The following GABRB1 variants were observed in gnomAD, a reference collection of about 807,000 sequenced individuals.
GABRB1 encodes gamma-aminobutyric acid receptor subunit beta-1.
Under a neutral mutation model 51.6 loss-of-function variants are expected in GABRB1, and 17 were observed. The ratio of observed to expected loss-of-function variants is 0.33; its 90% CI spans 0.23 to 0.49. GABRB1 has a LOEUF of 0.49. Ranked by LOEUF, GABRB1 falls within the 20% of genes least tolerant of loss-of-function variation. The pLI, the probability that GABRB1 is intolerant of heterozygous loss-of-function variation, is 0.99. For missense variants in GABRB1, 410 were observed against 600.6 expected (o/e 0.68, Z 3.32); for synonymous variants, 247 against 218.9 (o/e 1.13, Z -1.14).
At chr4:47,317,233 T>C (rs1387034733) in intron 4 of GABRB1, among the ~76,000 whole-genome samples, 2 of 151,992 alleles carry the variant, frequency 1.3e-5, no homozygotes, top group Non-Finnish European at 2.9e-5. Context: ...ATGTCCCCAG[T>C]GAGGCAAAAT....
intron 1 of GABRB1, among the ~76,000 whole-genome samples, chr4:47,002,464 A>G (rs911712941): frequency 2.0e-5 from 3 of 152,208 alleles, no homozygotes; most frequent in Non-Finnish European, 2.9e-5. Flanking sequence ...CACAAATTAA[A>G]CCTAAAGAAT....
chr4:47,009,499 A>C (rs1724527375), intron 1 of GABRB1, among the ~76,000 whole-genome samples: 1 of 152,204 alleles, frequency 6.6e-6, no homozygotes. Context: ...TTACATTAAG[A>C]ACAACATCAA....
intron 1 of GABRB1, among the ~76,000 whole-genome samples, chr4:47,014,259 G>A (rs1724671166): frequency 6.6e-6 from 1 of 152,072 alleles, no homozygotes; most frequent in African/African-American, 2.4e-5. Flanking sequence ...GATAGATTTT[G>A]AGAGCTACTA....
intron 4 of GABRB1, among the ~76,000 whole-genome samples, chr4:47,217,018 G>C (rs182126030): frequency 1.3e-5 from 2 of 151,920 alleles, no homozygotes; most frequent in East Asian, 1.9e-4. Flanking sequence ...CTATACTACT[G>C]ATTAAATAAG....
chr4:47,177,955 G>A (rs1348221), intron 4 of GABRB1, among the ~76,000 whole-genome samples: 17 of 151,878 alleles, frequency 1.1e-4, no homozygotes, highest in Admixed American at 5.9e-4. Flanking sequence ...TTTGGGTTCC[G>A]AGTGTGAGGC....
chr4:47,394,226 A>G (rs2110041939), intron 5 of GABRB1, among the ~76,000 whole-genome samples: 1 of 152,318 alleles, frequency 6.6e-6, no homozygotes, highest in Admixed American at 6.5e-5. Flanking sequence ...AGGATCACAA[A>G]CTAATGACAG....
chr4:47,000,182 T>C (rs972928997), intron 1 of GABRB1, among the ~76,000 whole-genome samples: 5 of 152,198 alleles, frequency 3.3e-5, no homozygotes, highest in African/African-American at 9.6e-5. Flanking sequence ...ATATAAAATT[T>C]AAAACTTAAA....
chr4:47,377,128 T>A (rs1438998095), intron 5 of GABRB1, among the ~76,000 whole-genome samples: 1 of 152,144 alleles, frequency 6.6e-6, no homozygotes, highest in African/African-American at 2.4e-5. Context: ...GCAGTGAATG[T>A]GTTTGGAGTT....
intron 8 of GABRB1, among the ~76,000 whole-genome samples, chr4:47,424,386 C>CA (rs149335431): frequency 0.012 from 1,831 of 152,314 alleles, 35 homozygotes; most frequent in African/African-American, 0.042. Context: ...CTGTATTAAA[C>CA]AGTAATATAA....
chr4:47,217,551 ACAC>A (rs970933099), intron 4 of GABRB1, among the ~76,000 whole-genome samples: 18 of 151,782 alleles, frequency 1.2e-4, no homozygotes, highest in African/African-American at 4.3e-4. Context: ...CAACTCATGA[ACAC>A]CACAAATTCC....
intron 3 of GABRB1, among the ~76,000 whole-genome samples, chr4:47,147,923 C>G (rs770018580): frequency 1.3e-4 from 20 of 151,978 alleles, no homozygotes; most frequent in Admixed American, 6.6e-4. Flanking sequence ...TATTTTTATT[C>G]TCATAACATT....
At chr4:47,237,595 A>C (rs1560291318) in intron 4 of GABRB1, among the ~76,000 whole-genome samples, 1 of 152,056 alleles carries the variant, frequency 6.6e-6, no homozygotes, top group African/African-American at 2.4e-5. Context: ...ATTGCAAAAA[A>C]ATACCAATTC....
At chr4:47,365,419 G>A (rs1309049655) in intron 5 of GABRB1, among the ~76,000 whole-genome samples, 1 of 152,008 alleles carries the variant, frequency 6.6e-6, no homozygotes, top group Non-Finnish European at 1.5e-5. Flanking sequence ...CCCTTTTTCA[G>A]GATAATTTTC....
chr4:47,159,507 T>C (rs1159731841), intron 3 of GABRB1, among the ~76,000 whole-genome samples: 11 of 43,542 alleles, frequency 2.5e-4, no homozygotes, highest in Admixed American at 2.3e-3. Flanking sequence ...AGCCTGAGGG[T>C]TATTTTTTTT....
chr4:47,426,176 T>G lies in GABRB1; in HGVS notation c.*158T>G, dbSNP rs1453650700. 4 of 539,692 alleles carry G rather than the reference T, an allele frequency of 7.4e-6. No homozygotes were observed. Among genetic ancestry groups the G allele is most frequent in the Non-Finnish European group, 9.4e-6 (3 of 320,716 alleles). 33.4% of individuals were successfully genotyped at this position (539,692 alleles called of 1,614,324 possible). A position where few individuals can be genotyped will look rare whatever the true frequency, so the allele number is the denominator to read the frequency against. ...ATCAGTTTTATTACTGCACCATGTT[T>G]ACTTCAAAAAGACAAAACAAAAAAA... On this transcript the variant is annotated 3_prime_UTR_variant, in exon 9 of 9. Coordinates refer to ENST00000295454, the MANE Select transcript of GABRB1 (RefSeq NM_000812.4).
intron 3 of GABRB1, among the ~76,000 whole-genome samples, chr4:47,104,116 A>G (rs1372545934): frequency 1.3e-5 from 2 of 151,794 alleles, no homozygotes; most frequent in African/African-American, 4.8e-5. Flanking sequence ...TTAGGTTTCT[A>G]TGAAGAAAAA....
chr4:47,098,151 A>AAC (rs59294163), intron 3 of GABRB1, among the ~76,000 whole-genome samples: 3,284 of 148,276 alleles, frequency 0.022, 59 homozygotes, highest in African/African-American at 0.044. Flanking sequence ...TTTTAGTACA[A>AAC]ACACACACAC....
chr4:47,023,703 TCA>T lies in GABRB1; in HGVS notation c.-19-8208_-19-8207del, dbSNP rs377299579. ...TTCATATAATTATAAATGTGGGATT[TCA>T]CATGTGTAAATAATCACAATAAATG... On this transcript the variant is annotated intron_variant, in intron 1 of 3. Coordinates refer to the GABRB1 transcript ENST00000513567. 8.8e-4 allele frequency among the ~76,000 whole-genome samples: 134 copies of T among 152,130 alleles called. 1 individual carries two copies. The highest frequency in any genetic ancestry group is 2.9e-3 in the African/African-American group (121 of 41,554).
chr4:47,368,771 C>T (rs990409547), intron 5 of GABRB1, among the ~76,000 whole-genome samples: 3 of 151,796 alleles, frequency 2.0e-5, no homozygotes, highest in African/African-American at 4.8e-5. Flanking sequence ...ATTATTTAAA[C>T]TTAAATAATG....
Sources: gnomAD v4.1 joint callset for allele counts (sites outside exome capture counted in the v4.1 genomes callset) on GRCh38, gnomAD v4.1.1 for gene constraint, MANE v1.5 for transcripts, NCBI Gene and HGNC (gene_info 2026-07-23, HGNC 2026-07-21) for gene names.